Variants in ASPH observed in about 807,000 individuals in gnomAD.
The protein encoded by ASPH is aspartyl/asparaginyl beta-hydroxylase.
A neutral mutation model predicts 118.4 loss-of-function variants in ASPH; 100 were observed. The observed-to-expected ratio is 0.84, with a 90% confidence interval of 0.72 to 1.00. The LOEUF (loss-of-function observed/expected upper bound fraction) is 1.00. ASPH is among the 50% of genes least tolerant of loss of function. The probability of loss-of-function intolerance (pLI) is 0.00; values close to 1 mark genes in which losing one functional copy is unlikely to be tolerated. For synonymous variants in ASPH, 315 were observed against 325.6 expected (o/e 0.97, Z 0.35); for missense variants, 920 against 919.5 (o/e 1.00, Z -0.01).
At chr8:61,639,390 C>A (rs560946431) in intron 10 of ASPH, among the ~76,000 whole-genome samples, 1 of 152,260 alleles carries the variant, frequency 6.6e-6, no homozygotes, top group Admixed American at 6.5e-5. Flanking sequence ...CTGAGACCCC[C>A]TCCAGTGCCT....
intron 24 of ASPH, among the ~76,000 whole-genome samples, chr8:61,506,579 T>C (rs1293769687): frequency 6.6e-6 from 1 of 152,188 alleles, no homozygotes; most frequent in Non-Finnish European, 1.5e-5. Context: ...GATGGAAATT[T>C]ATGGTCTTTG....
At chr8:61,661,119 A>G (rs933997481) in intron 3 of ASPH, 4 of 152,130 alleles carry the variant, frequency 2.6e-5, no homozygotes, top group African/African-American at 9.7e-5. Flanking sequence ...ATTTATAATT[A>G]TTTGCATTTG....
intron 1 of ASPH, among the ~76,000 whole-genome samples, chr8:61,705,268 G>A (rs1836305045): frequency 6.6e-6 from 1 of 152,100 alleles, no homozygotes; most frequent in Admixed American, 6.5e-5. Context: ...GGAGGAAGGT[G>A]CAGATCAAAA....
chr8:61,565,623 CATTGATGAAGTGAT>C (rs1251674025), intron 17 of ASPH, among the ~76,000 whole-genome samples: 1 of 71,932 alleles, frequency 1.4e-5, no homozygotes, highest in Non-Finnish European at 3.2e-5. Context: ...TAGCTAAGAT[CATTGATGAAGTGAT>C]CTACACTAAA....
chr8:61,567,364 G>T, intron 16 of ASPH, 46 bp from the exon 17 acceptor site: 1 of 1,547,798 alleles, frequency 6.5e-7, no homozygotes, highest in African/African-American at 1.4e-5. Flanking sequence ...GACTAGCTGT[G>T]TTTGTAATTA....
At chr8:61,688,434 A>G (rs920567203) in intron 1 of ASPH, among the ~76,000 whole-genome samples, 1 of 152,192 alleles carries the variant, frequency 6.6e-6, no homozygotes, top group African/African-American at 2.4e-5. Flanking sequence ...AAGACTCTCC[A>G]AAACAAAAGC....
intron 13 of ASPH, among the ~76,000 whole-genome samples, chr8:61,627,868 ATCTCCATTAACAT>A (rs958251042): frequency 4.6e-5 from 7 of 152,202 alleles, no homozygotes; most frequent in African/African-American, 1.7e-4. Flanking sequence ...TGCCTTCTCT[ATCTCCATTAACAT>A]TCTGCCATTC....
chr8:61,583,096 C>T (rs1033674428), intron 15 of ASPH: 2 of 151,636 alleles, frequency 1.3e-5, no homozygotes, highest in Non-Finnish European at 2.9e-5. Context: ...AATAAGGTAC[C>T]CTGAAAACTG....
At chr8:61,589,716 G>A (rs1202612131) in intron 14 of ASPH, among the ~76,000 whole-genome samples, 1 of 152,124 alleles carries the variant, frequency 6.6e-6, no homozygotes, top group Non-Finnish European at 1.5e-5. Context: ...CTTGTTCACC[G>A]GCTTGTTTAT....
chr8:61,622,713 G>A (rs1243972422), intron 13 of ASPH, among the ~76,000 whole-genome samples: 1 of 152,162 alleles, frequency 6.6e-6, no homozygotes, highest in African/African-American at 2.4e-5. Context: ...CCAGCTGCCG[G>A]AGAGTTGCTC....
chr8:61,643,410 C>G lies in ASPH; in HGVS notation c.733G>C (p.Asp245His). 1 of 1,605,378 alleles carries G rather than the reference C, an allele frequency of 6.2e-7. No homozygotes were observed. The highest frequency in any genetic ancestry group is 1.3e-5 in the African/African-American group (1 of 75,004). Reference sequence around the variant, plus strand: ...CCTGTATCATGGTGCAATCTTTCATCTTCTACTACTGGTTCACTGGAATCT... The same window carrying G: ...CCTGTATCATGGTGCAATCTTTCATGTTCTACTACTGGTTCACTGGAATCT... ...NPDSSEPVVE[D>H]ERLHHDTDDV... The change falls in exon 9 of 25, where the codon GAT becomes CAT. Residue 245 changes from aspartate to histidine, a missense_variant. Asp to His is a moderately conservative substitution (Grantham distance 81). Coordinates refer to ENST00000379454, the MANE Select transcript of ASPH (RefSeq NM_004318.4).
intron 1 of ASPH, among the ~76,000 whole-genome samples, chr8:61,706,745 T>A (rs1385027420): frequency 6.6e-6 from 1 of 152,198 alleles, no homozygotes; most frequent in Non-Finnish European, 1.5e-5. Flanking sequence ...ACATGCCCTA[T>A]CAGATATGTG....
At chr8:61,551,412 C>T (rs1428894489) in intron 20 of ASPH, among the ~76,000 whole-genome samples, 1 of 152,220 alleles carries the variant, frequency 6.6e-6, no homozygotes, top group Non-Finnish European at 1.5e-5. Flanking sequence ...ACACCTAATG[C>T]TGGGAATATA....
chr8:61,636,455 G>A (rs1857797864), intron 12 of ASPH, among the ~76,000 whole-genome samples: 2 of 152,132 alleles, frequency 1.3e-5, no homozygotes, highest in South Asian at 2.1e-4. Flanking sequence ...CCGGCCAAGA[G>A]AAGAGGAGAC....
At chr8:61,629,047 G>A (rs1854339607) in intron 13 of ASPH, among the ~76,000 whole-genome samples, 1 of 152,140 alleles carries the variant, frequency 6.6e-6, no homozygotes, top group Non-Finnish European at 1.5e-5. Flanking sequence ...AAAATGCTGG[G>A]TAATGGGGAG....
chr8:61,617,339 G>A (rs1330712226), intron 14 of ASPH, among the ~76,000 whole-genome samples: 1 of 152,176 alleles, frequency 6.6e-6, no homozygotes, highest in Non-Finnish European at 1.5e-5. Flanking sequence ...AATGTATCCA[G>A]CAAGCCATGT....
chr8:61,630,882 T>C lies in ASPH; in HGVS notation c.934+2801A>G, dbSNP rs182403196. Among the ~76,000 whole-genome samples, 29 of 152,308 alleles carry C rather than the reference T, an allele frequency of 1.9e-4. No individual in the cohort carries two copies. The East Asian group carries it at 4.2e-3, about 22-fold the overall frequency. On this transcript the variant is annotated intron_variant, in intron 13 of 24. Transcript: ENST00000379454. ...AGGTATCCAGAAGTCATTGTTATCA[T>C]AGGAGATGACAACTCTATGCCTGTT... is the stretch of plus-strand genomic sequence containing the variant.
intron 21 of ASPH, among the ~76,000 whole-genome samples, chr8:61,539,738 G>GTGTGTGTGTGTGTGTGTGTC: frequency 6.9e-6 from 1 of 144,136 alleles, no homozygotes; most frequent in Non-Finnish European, 1.5e-5. Context: ...GTGTGTGTGT[G>GTGTGTGTGTGTGTGTGTGTC]TGTCTGTCCC....
At chr8:61,529,488 G>A (rs1197641755) in intron 21 of ASPH, among the ~76,000 whole-genome samples, 4 of 152,136 alleles carry the variant, frequency 2.6e-5, no homozygotes, top group Non-Finnish European at 5.9e-5. Context: ...GTTTGAAGGC[G>A]TTTTCCAACT....
Sources: gnomAD v4.1 joint callset for allele counts (sites outside exome capture counted in the v4.1 genomes callset) on GRCh38, gnomAD v4.1.1 for gene constraint, MANE v1.5 for transcripts, NCBI Gene and HGNC (gene_info 2026-07-23, HGNC 2026-07-21) for gene names.